The following AMPH variants were observed in gnomAD, a reference collection of about 807,000 sequenced individuals.
The protein encoded by AMPH is amphiphysin.
In AMPH, 49 loss-of-function variants were observed where a neutral mutation model predicts 99.1. The observed-to-expected ratio is 0.49, with a 90% CI of 0.39 to 0.63. The LOEUF (loss-of-function observed/expected upper bound fraction) is 0.63, where lower values mean the gene tolerates loss of function less well. Among genes scored for constraint, AMPH ranks in the 20% least tolerant of loss-of-function variants. The pLI is 0.00. For synonymous variants in AMPH, 314 were observed against 317.3 expected (o/e 0.99, Z 0.11); for missense variants, 759 against 863.4 (o/e 0.88, Z 1.52).
intron 1 of AMPH, among the ~76,000 whole-genome samples, chr7:38,589,537 C>T (rs1390636726): frequency 6.6e-6 from 1 of 152,210 alleles, no homozygotes; most frequent in Non-Finnish European, 1.5e-5. Context: ...AGCATCAAAA[C>T]AGCTGCATCC....
intron 1 of AMPH, among the ~76,000 whole-genome samples, chr7:38,561,487 G>C (rs751739337): frequency 6.6e-6 from 1 of 152,220 alleles, no homozygotes; most frequent in Non-Finnish European, 1.5e-5. Context: ...AACAGAAAGA[G>C]GGCGAAATGC....
chr7:38,523,450 C>A lies in AMPH; in HGVS notation c.150+11481G>T, dbSNP rs73122274. On this transcript the variant is annotated intron_variant, in intron 2 of 20. Coordinates refer to ENST00000356264, the MANE Select transcript of AMPH (RefSeq NM_001635.4). ...CAACAAGATCCTGAAACATATTGTA[C>A]CAAAAAGGTAAAAATGTTGTCAGAG... Among the ~76,000 whole-genome samples the A allele has an allele frequency of 3.8e-4, 58 of 152,100 alleles. 1 individual carries two copies. The South Asian group carries it at 0.011, about 29-fold the overall frequency.
chr7:38,385,722 A>G (rs1784332965), intron 20 of AMPH, among the ~76,000 whole-genome samples: 1 of 152,244 alleles, frequency 6.6e-6, no homozygotes, highest in African/African-American at 2.4e-5. Flanking sequence ...AAGGGTAAAG[A>G]ACCCATCCAT....
At chr7:38,564,864 C>T (rs961280627) in intron 1 of AMPH, among the ~76,000 whole-genome samples, 7 of 152,166 alleles carry the variant, frequency 4.6e-5, no homozygotes, top group Non-Finnish European at 8.8e-5. Context: ...GTGGCTCACA[C>T]CTGTAATCCC....
At chr7:38,540,457 A>T (rs1247839160) in intron 1 of AMPH, among the ~76,000 whole-genome samples, 1 of 152,046 alleles carries the variant, frequency 6.6e-6, no homozygotes, top group Non-Finnish European at 1.5e-5. Flanking sequence ...GCAAGTAAAA[A>T]AGTAAATAGG....
At chr7:38,428,082 T>A in intron 14 of AMPH, 1 of 456,766 alleles carries the variant, frequency 2.2e-6, no homozygotes, top group South Asian at 1.5e-5. Flanking sequence ...TTCTTCCTTG[T>A]GCTCAACTAC....
At chr7:38,616,641 T>C (rs1391793627) in intron 1 of AMPH, among the ~76,000 whole-genome samples, 1 of 152,202 alleles carries the variant, frequency 6.6e-6, no homozygotes, top group Non-Finnish European at 1.5e-5. Context: ...TTGTACACTA[T>C]AATATAATTT....
intron 1 of AMPH, among the ~76,000 whole-genome samples, chr7:38,606,962 G>C (rs1793457853): frequency 6.6e-6 from 1 of 152,114 alleles, no homozygotes; most frequent in African/African-American, 2.4e-5. Flanking sequence ...ATGGACATTT[G>C]TGTTGTTTCT....
chr7:38,540,229 T>G (rs1304076664), intron 1 of AMPH, among the ~76,000 whole-genome samples: 2 of 152,230 alleles, frequency 1.3e-5, no homozygotes, highest in South Asian at 2.1e-4. Context: ...TCATCTACAT[T>G]GACACGTTAG....
chr7:38,427,053 T>A, intron 14 of AMPH, 67 bp from the exon 15 acceptor site: 3 of 1,404,344 alleles, frequency 2.1e-6, no homozygotes, highest in South Asian at 2.4e-5. Context: ...CCAGTAAATA[T>A]CCATTAGACA....
intron 17 of AMPH, among the ~76,000 whole-genome samples, chr7:38,405,109 G>C (rs1249319531): frequency 6.6e-6 from 1 of 151,988 alleles, no homozygotes; most frequent in Non-Finnish European, 1.5e-5. Context: ...ATCTTGTCAA[G>C]CTAAGCTTCA....
At chr7:38,429,081 C>G in intron 14 of AMPH, 2 of 1,290,356 alleles carry the variant, frequency 1.5e-6, no homozygotes, top group Non-Finnish European at 2.0e-6. Flanking sequence ...CACACCTGCC[C>G]ACAGAGAATC....
intron 1 of AMPH, among the ~76,000 whole-genome samples, chr7:38,608,121 A>C (rs771527615): frequency 3.3e-5 from 5 of 152,148 alleles, no homozygotes; most frequent in Non-Finnish European, 7.3e-5. Context: ...TACAGGCAAG[A>C]GCCACCACGC....
chr7:38,517,357 C>G (rs1789788579), intron 2 of AMPH, among the ~76,000 whole-genome samples: 1 of 152,148 alleles, frequency 6.6e-6, no homozygotes, highest in Non-Finnish European at 1.5e-5. Flanking sequence ...TGAGTGAGTT[C>G]TCATGAGATC....
At chr7:38,589,013 T>C (rs1387293121) in intron 1 of AMPH, among the ~76,000 whole-genome samples, 4 of 152,160 alleles carry the variant, frequency 2.6e-5, no homozygotes, top group Non-Finnish European at 4.4e-5. Flanking sequence ...ATTATAAGAA[T>C]AATTATGATT....
intron 5 of AMPH, among the ~76,000 whole-genome samples, chr7:38,478,470 G>A (rs4723760): frequency 0.25 from 38,552 of 151,964 alleles, 5,885 homozygotes; most frequent in African/African-American, 0.39. Flanking sequence ...TCACATTAAC[G>A]GCCTGACAAA....
chr7:38,444,068 TA>T (rs1786659608), intron 11 of AMPH, among the ~76,000 whole-genome samples: 1 of 152,088 alleles, frequency 6.6e-6, no homozygotes, highest in South Asian at 2.1e-4. Context: ...AAAACAAATT[TA>T]AAAACATGAT....
chr7:38,621,043 C>G (rs186003562), intron 1 of AMPH, among the ~76,000 whole-genome samples: 35 of 152,248 alleles, frequency 2.3e-4, no homozygotes, highest in East Asian at 1.2e-3. Flanking sequence ...ATTCTCTATT[C>G]TACAGTTCTT....
At chr7:38,437,639 A>AAAAGAAAAG (rs1554336213) in intron 11 of AMPH, among the ~76,000 whole-genome samples, 14 of 96,678 alleles carry the variant, frequency 1.4e-4, no homozygotes, top group East Asian at 4.3e-4. Flanking sequence ...AAAAAAAAAA[A>AAAAGAAAAG]AAAAGAAAAG....
Sources: gnomAD v4.1 joint callset for allele counts (sites outside exome capture counted in the v4.1 genomes callset) on GRCh38, gnomAD v4.1.1 for gene constraint, MANE v1.5 for transcripts, NCBI Gene and HGNC (gene_info 2026-07-23, HGNC 2026-07-21) for gene names.